Variants in IGSF11 observed in about 807,000 individuals in gnomAD.
IGSF11 encodes the protein CXADR like 1.
IGSF11 carries 22 observed loss-of-function variants against 41.0 expected under a neutral mutation model. That is an observed-to-expected ratio of 0.54 (90% CI 0.38 to 0.77). The LOEUF (loss-of-function observed/expected upper bound fraction) is 0.77. Among genes scored for constraint, IGSF11 ranks in the 30% least tolerant of loss-of-function variants. The pLI is 0.00. For missense variants in IGSF11, 444 were observed against 530.8 expected (o/e 0.84, Z 1.61); for synonymous variants, 219 against 201.3 (o/e 1.09, Z -0.74).
chr3:119,007,483 C>G (rs1464469453), intron 1 of IGSF11, among the ~76,000 whole-genome samples: 1 of 152,142 alleles, frequency 6.6e-6, no homozygotes, highest in Non-Finnish European at 1.5e-5. Flanking sequence ...CATCTTGGCT[C>G]CTCCCCCAGA....
chr3:118,976,883 T>A (rs1934172786), intron 1 of IGSF11, among the ~76,000 whole-genome samples: 1 of 152,204 alleles, frequency 6.6e-6, no homozygotes, highest in African/African-American at 2.4e-5. Context: ...TTACTTTTCA[T>A]AATCATATTT....
intron 1 of IGSF11, among the ~76,000 whole-genome samples, chr3:119,019,159 G>C (rs567307091): frequency 5.3e-5 from 8 of 152,058 alleles, no homozygotes; most frequent in African/African-American, 1.9e-4. Flanking sequence ...ATCAGCTTAA[G>C]TTAAAAACTA....
chr3:119,107,164 C>G (rs2077046147), upstream of IGSF11, among the ~76,000 whole-genome samples: 1 of 152,184 alleles, frequency 6.6e-6, no homozygotes, highest in Non-Finnish European at 1.5e-5. Flanking sequence ...AATCACCACA[C>G]TGACTTCCAC....
intron 3 of IGSF11, among the ~76,000 whole-genome samples, chr3:118,927,725 G>A (rs1366511225): frequency 2.0e-5 from 3 of 152,158 alleles, no homozygotes; most frequent in East Asian, 1.9e-4. Context: ...TTCTCAAAAC[G>A]TCTTCCATCT....
At chr3:118,927,088 GA>G (rs557693472) in intron 3 of IGSF11, among the ~76,000 whole-genome samples, 238 of 147,700 alleles carry the variant, frequency 1.6e-3, no homozygotes, top group Admixed American at 3.1e-3. Context: ...CAGGAATCAG[GA>G]AAAAAAAAAG....
chr3:119,087,166 T>C (rs985104650), intron 1 of IGSF11, among the ~76,000 whole-genome samples: 1 of 152,148 alleles, frequency 6.6e-6, no homozygotes, highest in Non-Finnish European at 1.5e-5. Context: ...TGGAAAATAG[T>C]GTGGAGATTC....
chr3:119,009,386 G>T (rs567674450), intron 1 of IGSF11, among the ~76,000 whole-genome samples: 1 of 152,294 alleles, frequency 6.6e-6, no homozygotes, highest in South Asian at 2.1e-4. Context: ...ACGTGTCAAG[G>T]GAGGGACCTG....
chr3:118,943,236 T>C (rs1439638552), intron 1 of IGSF11: 2 of 152,196 alleles, frequency 1.3e-5, no homozygotes, highest in Admixed American at 1.3e-4. Context: ...TTGATAATTA[T>C]CACAATGATT....
intron 4 of IGSF11, among the ~76,000 whole-genome samples, chr3:118,925,105 T>C (rs1942174794): frequency 6.6e-6 from 1 of 152,186 alleles, no homozygotes; most frequent in South Asian, 2.1e-4. Flanking sequence ...TTTTTTTAAA[T>C]GATGAATTTG....
In IGSF11 at chr3:119,052,453, G is replaced by A. The variant is rs904248317; in HGVS notation, c.49+52691C>T. Reference sequence around the variant, plus strand: ...AAACAGGAAGGGAGGGAGGGAGGAAGAGAGGGAGGGAGGGAGGGAAGGAGG... The same window carrying A: ...AAACAGGAAGGGAGGGAGGGAGGAAAAGAGGGAGGGAGGGAGGGAAGGAGG... On this transcript the variant is annotated intron_variant, in intron 1 of 6. Transcript: ENST00000354673. Among the ~76,000 whole-genome samples the A allele has an allele frequency of 2.2e-5, 3 of 136,058 alleles. No homozygotes were observed. In the East Asian group the frequency reaches 7.1e-4, roughly 32 times the overall value. The allele number at this position is 136,058 out of a possible 152,430, so 89.3% of individuals were successfully genotyped here. A position where few individuals can be genotyped will look rare whatever the true frequency, so the allele number is the denominator to read the frequency against.
intron 1 of IGSF11, among the ~76,000 whole-genome samples, chr3:119,132,877 C>T (rs1261743529): frequency 6.6e-6 from 1 of 152,192 alleles, no homozygotes; most frequent in Non-Finnish European, 1.5e-5. Context: ...TCTCAGACCA[C>T]AGCACAATCA....
chr3:119,100,487 A>G (rs2076922707), intron 1 of IGSF11, among the ~76,000 whole-genome samples: 1 of 152,262 alleles, frequency 6.6e-6, no homozygotes, highest in East Asian at 1.9e-4. Flanking sequence ...ACAATTTGTC[A>G]TTAATTCCCA....
At chr3:119,048,518 CA>C (rs1327393193) in intron 1 of IGSF11, among the ~76,000 whole-genome samples, 1 of 152,100 alleles carries the variant, frequency 6.6e-6, no homozygotes, top group East Asian at 1.9e-4. Flanking sequence ...GCTTACCAAC[CA>C]AAAAGAGTCC....
chr3:118,966,266 G>A (rs961199652), intron 1 of IGSF11, among the ~76,000 whole-genome samples: 13 of 152,098 alleles, frequency 8.5e-5, no homozygotes, highest in Non-Finnish European at 1.2e-4. Context: ...CTTCACAAAT[G>A]CCCCTAATAA....
intron 1 of IGSF11, among the ~76,000 whole-genome samples, chr3:119,061,952 G>A (rs917435266): frequency 1.3e-5 from 2 of 152,048 alleles, no homozygotes; most frequent in Non-Finnish European, 2.9e-5. Flanking sequence ...ATGATAAAAG[G>A]TTTGCTTAAT....
At chr3:118,913,378 T>C (rs1182036964) in intron 4 of IGSF11, among the ~76,000 whole-genome samples, 1 of 152,066 alleles carries the variant, frequency 6.6e-6, no homozygotes, top group African/African-American at 2.4e-5. Context: ...CTAAAATATA[T>C]TCTAGGATCT....
chr3:118,971,802 C>CAAA (rs11370113), intron 1 of IGSF11, among the ~76,000 whole-genome samples: 17 of 88,968 alleles, frequency 1.9e-4, no homozygotes, highest in African/African-American at 4.7e-4. Context: ...GACTCCGTCT[C>CAAA]AAAAAAAAAA....
At chr3:119,103,731 A>G (rs2076975541) in intron 1 of IGSF11, among the ~76,000 whole-genome samples, 1 of 151,544 alleles carries the variant, frequency 6.6e-6, no homozygotes, top group Non-Finnish European at 1.5e-5. Context: ...GATATGGCCT[A>G]TTAGTGTGAT....
intron 1 of IGSF11, among the ~76,000 whole-genome samples, chr3:118,982,960 C>T (rs1934888350): frequency 6.6e-6 from 1 of 152,186 alleles, no homozygotes; most frequent in South Asian, 2.1e-4. Flanking sequence ...ATCATCTCAA[C>T]ATGCAGCCTC....
Sources: allele counts gnomAD v4.1 joint callset (sites outside exome capture counted in the v4.1 genomes callset), GRCh38; gene constraint gnomAD v4.1.1; transcripts MANE v1.5; gene names NCBI Gene and HGNC (gene_info 2026-07-23, HGNC 2026-07-21).